The following SEMA3E variants were observed in gnomAD, a reference collection of about 807,000 sequenced individuals.
The protein encoded by SEMA3E is semaphorin 3E, also known as semaphorin-3E.
In SEMA3E, 49 loss-of-function variants were observed where a neutral mutation model predicts 93.6. The observed-to-expected ratio is 0.52, with a 90% CI of 0.42 to 0.66. The LOEUF is 0.66. Ranked by LOEUF, SEMA3E falls within the 30% of genes least tolerant of loss-of-function variation. SEMA3E has a pLI of 0.00. For missense variants in SEMA3E, 906 were observed against 964.8 expected (o/e 0.94, Z 0.81); for synonymous variants, 363 against 330.7 (o/e 1.10, Z -1.06).
chr7:83,459,953 G>C (rs1295937540), intron 4 of SEMA3E, among the ~76,000 whole-genome samples: 1 of 152,040 alleles, frequency 6.6e-6, no homozygotes, highest in African/African-American at 2.4e-5. Context: ...AACCCCTTTT[G>C]ACTGGAATTT....
At chr7:83,554,923 G>A (rs941860830) in intron 1 of SEMA3E, among the ~76,000 whole-genome samples, 1 of 150,950 alleles carries the variant, frequency 6.6e-6, no homozygotes, top group African/African-American at 2.4e-5. Flanking sequence ...CTTGCAGTGA[G>A]CCAAGATCAG....
intron 1 of SEMA3E, among the ~76,000 whole-genome samples, chr7:83,564,334 A>T (rs1267783889): frequency 1.3e-5 from 2 of 152,030 alleles, no homozygotes; most frequent in Admixed American, 1.3e-4. Context: ...CAGGAGAATC[A>T]CTTGAACTTG....
intron 1 of SEMA3E, among the ~76,000 whole-genome samples, chr7:83,533,688 TGA>T (rs1791352464): frequency 6.6e-6 from 1 of 151,588 alleles, no homozygotes; most frequent in Admixed American, 6.6e-5. Context: ...GACAGGGAGG[TGA>T]GGAGATTCAG....
At chr7:83,641,557 A>T (rs1397767734) in intron 1 of SEMA3E, 2 of 165,228 alleles carry the variant, frequency 1.2e-5, no homozygotes, top group African/African-American at 4.8e-5. Context: ...CCAAGGTGCC[A>T]TCAGATAAAA....
At chr7:83,460,573 T>C (rs2115855168) in intron 4 of SEMA3E, among the ~76,000 whole-genome samples, 1 of 134,700 alleles carries the variant, frequency 7.4e-6, no homozygotes, top group East Asian at 2.5e-4. Flanking sequence ...CCTGCCTTTC[T>C]GGGAAAGGGG....
At chr7:83,452,278 C>T (rs192288024) in intron 4 of SEMA3E, among the ~76,000 whole-genome samples, 1 of 152,204 alleles carries the variant, frequency 6.6e-6, no homozygotes, top group Admixed American at 6.5e-5. Flanking sequence ...GAGCATTTCA[C>T]TTTTCCTTAT....
At chr7:83,432,732 G>C (rs940113040) in intron 4 of SEMA3E, among the ~76,000 whole-genome samples, 8 of 152,066 alleles carry the variant, frequency 5.3e-5, no homozygotes, top group African/African-American at 1.9e-4. Context: ...ATTTCAAAGA[G>C]AACTTGATCA....
intron 4 of SEMA3E, among the ~76,000 whole-genome samples, chr7:83,445,107 T>C (rs760569676): frequency 6.6e-6 from 1 of 152,176 alleles, no homozygotes; most frequent in Non-Finnish European, 1.5e-5. Flanking sequence ...ATTTACCAAC[T>C]AGAAGGCTGT....
chr7:83,599,687 T>C (rs1180542748), intron 1 of SEMA3E, among the ~76,000 whole-genome samples: 1 of 152,144 alleles, frequency 6.6e-6, no homozygotes, highest in African/African-American at 2.4e-5. Flanking sequence ...TAAAAATCAT[T>C]AGAACTACAG....
intron 1 of SEMA3E, among the ~76,000 whole-genome samples, chr7:83,501,052 A>G (rs1361366361): frequency 6.6e-6 from 1 of 152,216 alleles, no homozygotes; most frequent in Non-Finnish European, 1.5e-5. Flanking sequence ...GCCATTTTAC[A>G]GAGAATTAGC....
At chr7:83,550,985 T>C (rs545260745) in intron 1 of SEMA3E, among the ~76,000 whole-genome samples, 1 of 152,226 alleles carries the variant, frequency 6.6e-6, no homozygotes, top group East Asian at 1.9e-4. Context: ...CAATGAGTTA[T>C]TTTAGATGCA....
At chr7:83,405,025 A>G (rs1488576306) in intron 9 of SEMA3E, among the ~76,000 whole-genome samples, 1 of 152,064 alleles carries the variant, frequency 6.6e-6, no homozygotes, top group Non-Finnish European at 1.5e-5. Context: ...GTCCAAAGGC[A>G]AGTGAGTAAC....
At chr7:83,391,587 C>T (rs1467895213) in intron 14 of SEMA3E, among the ~76,000 whole-genome samples, 1 of 128,900 alleles carries the variant, frequency 7.8e-6, no homozygotes, top group African/African-American at 2.5e-5. Flanking sequence ...TTTTACTATC[C>T]ACTTATTATA....
At chr7:83,379,147 G>A (rs979973539) in intron 16 of SEMA3E, among the ~76,000 whole-genome samples, 3 of 151,608 alleles carry the variant, frequency 2.0e-5, no homozygotes, top group Admixed American at 6.6e-5. Context: ...TAACTCAAAC[G>A]AAAGTCAAAT....
chr7:83,385,466 C>G (rs1450930875), intron 15 of SEMA3E, 33 bp from the exon 16 acceptor site: 8 of 1,609,322 alleles, frequency 5.0e-6, no homozygotes, highest in Non-Finnish European at 6.8e-6. Flanking sequence ...ATCTTTGAGA[C>G]TTAGATTTTA....
At chr7:83,539,800 G>A (rs1791479786) in intron 1 of SEMA3E, among the ~76,000 whole-genome samples, 1 of 149,900 alleles carries the variant, frequency 6.7e-6, no homozygotes, top group Non-Finnish European at 1.5e-5. Context: ...TCAAACATAA[G>A]ACAAAGCCTT....
intron 5 of SEMA3E, among the ~76,000 whole-genome samples, chr7:83,415,307 A>C (rs557288575): frequency 6.6e-6 from 1 of 152,216 alleles, no homozygotes; most frequent in South Asian, 2.1e-4. Context: ...CACTGGAGGA[A>C]AACTTGGCCA....
intron 2 of SEMA3E, among the ~76,000 whole-genome samples, chr7:83,482,212 T>C (rs2115945444): frequency 6.6e-6 from 1 of 152,108 alleles, no homozygotes; most frequent in Admixed American, 6.6e-5. Context: ...GGAGACAAAA[T>C]TAACCTAAAC....
chr7:83,387,114 C>A, intron 14 of SEMA3E, 64 bp from the exon 15 acceptor site: 1 of 1,333,066 alleles, frequency 7.5e-7, no homozygotes, highest in South Asian at 1.2e-5. Context: ...AAAATGCAGC[C>A]AATTGCATTT....
Sources: gnomAD v4.1 joint callset for allele counts (sites outside exome capture counted in the v4.1 genomes callset) on GRCh38, gnomAD v4.1.1 for gene constraint, MANE v1.5 for transcripts, NCBI Gene and HGNC (gene_info 2026-07-23, HGNC 2026-07-21) for gene names.